The following CSMD1 variants were observed in gnomAD, a reference collection of about 807,000 sequenced individuals.
CSMD1 encodes CUB and sushi domain-containing protein 1.
A neutral mutation model predicts 417.5 loss-of-function variants in CSMD1; 213 were observed. The ratio of observed to expected loss-of-function variants is 0.51; its 90% CI spans 0.46 to 0.57. The LOEUF (loss-of-function observed/expected upper bound fraction) is 0.57. Ranked by LOEUF, CSMD1 falls within the 20% of genes least tolerant of loss-of-function variation. The probability of loss-of-function intolerance (pLI) is 0.00; values close to 1 mark genes in which losing one functional copy is unlikely to be tolerated. For missense variants in CSMD1, 6,923 were observed against 4,529.7 expected (o/e 1.53, Z -15.17); for synonymous variants, 2,862 against 1,736.8 (o/e 1.65, Z -16.11).
intron 8 of CSMD1, among the ~76,000 whole-genome samples, chr8:3,594,891 T>G (rs1431362509): frequency 6.6e-6 from 1 of 152,108 alleles, no homozygotes; most frequent in Non-Finnish European, 1.5e-5. Flanking sequence ...AATAAATACC[T>G]TTGGAACTAA....
intron 3 of CSMD1, among the ~76,000 whole-genome samples, chr8:4,365,362 A>G (rs1248514409): frequency 6.6e-6 from 1 of 152,152 alleles, no homozygotes; most frequent in Non-Finnish European, 1.5e-5. Context: ...ATCATGCATC[A>G]TTTTTTCACA....
intron 5 of CSMD1, among the ~76,000 whole-genome samples, chr8:3,945,932 C>T (rs564968520): frequency 6.6e-6 from 1 of 152,110 alleles, no homozygotes; most frequent in African/African-American, 2.4e-5. Context: ...CTAAGACTAT[C>T]ATGATTATTA....
chr8:3,806,445 T>G (rs139670962), intron 5 of CSMD1, among the ~76,000 whole-genome samples: 211 of 152,274 alleles, frequency 1.4e-3, no homozygotes, highest in African/African-American at 4.0e-3. Flanking sequence ...GCCTGAATAA[T>G]GAAGGCAATT....
chr8:4,621,747 C>T (rs942936226), intron 2 of CSMD1, among the ~76,000 whole-genome samples: 1 of 151,796 alleles, frequency 6.6e-6, no homozygotes, highest in African/African-American at 2.4e-5. Context: ...AGACAAAAGC[C>T]CCTCATGTAT....
intron 5 of CSMD1, among the ~76,000 whole-genome samples, chr8:3,985,655 G>C (rs1442820666): frequency 6.6e-6 from 1 of 152,084 alleles, no homozygotes; most frequent in East Asian, 1.9e-4. Flanking sequence ...ACAGAAGCTT[G>C]CTAGGTTGAT....
intron 5 of CSMD1, among the ~76,000 whole-genome samples, chr8:3,988,026 C>G (rs376330835): frequency 6.6e-6 from 1 of 152,202 alleles, no homozygotes; most frequent in Non-Finnish European, 1.5e-5. Flanking sequence ...ACTTTCAACA[C>G]ACAGCTATTA....
chr8:3,514,437 C>T (rs567421054), intron 10 of CSMD1, among the ~76,000 whole-genome samples: 2 of 152,146 alleles, frequency 1.3e-5, no homozygotes, highest in Non-Finnish European at 2.9e-5. Flanking sequence ...GTGGTGTTAT[C>T]CCCATCTGCT....
chr8:4,723,585 G>A (rs955873022), intron 1 of CSMD1, among the ~76,000 whole-genome samples: 1 of 152,000 alleles, frequency 6.6e-6, no homozygotes, highest in African/African-American at 2.4e-5. Context: ...ATTGTAAATT[G>A]TATGAAAAGA....
At chr8:4,288,946 G>T (rs1208450591) in intron 3 of CSMD1, among the ~76,000 whole-genome samples, 1 of 152,132 alleles carries the variant, frequency 6.6e-6, no homozygotes, top group African/African-American at 2.4e-5. Flanking sequence ...TACACTAATA[G>T]TGTGGCAGCT....
intron 3 of CSMD1, among the ~76,000 whole-genome samples, chr8:4,069,720 C>G (rs1461668706): frequency 1.3e-5 from 2 of 152,124 alleles, no homozygotes; most frequent in African/African-American, 2.4e-5. Context: ...TCCCACTAAA[C>G]TCTAGGCACC....
intron 10 of CSMD1, among the ~76,000 whole-genome samples, chr8:3,521,232 C>T (rs1444776447): frequency 2.0e-5 from 3 of 152,204 alleles, no homozygotes; most frequent in East Asian, 1.9e-4. Flanking sequence ...TGGTTTCTCA[C>T]TGTTGCTGAT....
chr8:4,632,518 T>A (rs959727969), intron 2 of CSMD1, among the ~76,000 whole-genome samples: 3 of 151,464 alleles, frequency 2.0e-5, no homozygotes, highest in African/African-American at 7.3e-5. Flanking sequence ...ATCATGGGGG[T>A]AGGGGGAGCA....
At chr8:4,565,850 G>A (rs1397706727) in intron 2 of CSMD1, among the ~76,000 whole-genome samples, 1 of 144,488 alleles carries the variant, frequency 6.9e-6, no homozygotes, top group Non-Finnish European at 1.5e-5. Context: ...CACAAATTTA[G>A]TCATTCCAGA....
chr8:4,490,326 C>T (rs1376390179), intron 2 of CSMD1, among the ~76,000 whole-genome samples: 1 of 152,154 alleles, frequency 6.6e-6, no homozygotes, highest in Non-Finnish European at 1.5e-5. Flanking sequence ...AGGCATGAGC[C>T]ACCATATCCA....
At chr8:3,988,982 T>C (rs1293284496) in intron 5 of CSMD1, among the ~76,000 whole-genome samples, 1 of 152,224 alleles carries the variant, frequency 6.6e-6, no homozygotes, top group Non-Finnish European at 1.5e-5. Context: ...ACATAGACTT[T>C]TAGAACTAGA....
intron 1 of CSMD1, among the ~76,000 whole-genome samples, chr8:4,902,338 G>A (rs920707475): frequency 1.3e-5 from 2 of 151,244 alleles, no homozygotes; most frequent in East Asian, 2.0e-4. Context: ...TCAGGAGACT[G>A]AGGCAGAAGG....
intron 1 of CSMD1, among the ~76,000 whole-genome samples, chr8:4,970,808 G>A (rs1338557649): frequency 6.6e-6 from 1 of 151,956 alleles, no homozygotes; most frequent in East Asian, 1.9e-4. Flanking sequence ...TCAAAACCAG[G>A]TAATACCCTA....
At chr8:3,293,793 G>T (rs111498697) in intron 25 of CSMD1, among the ~76,000 whole-genome samples, 1 of 152,178 alleles carries the variant, frequency 6.6e-6, no homozygotes, top group Non-Finnish European at 1.5e-5. Context: ...GTAGCTCAGA[G>T]TAGTTTGATC....
intron 1 of CSMD1, among the ~76,000 whole-genome samples, chr8:4,694,338 G>C (rs1291924432): frequency 6.6e-6 from 1 of 152,022 alleles, no homozygotes; most frequent in East Asian, 2.0e-4. Context: ...AAAAACCAAA[G>C]TACTTCTTTT....
Sources: gnomAD v4.1 joint callset for allele counts (sites outside exome capture counted in the v4.1 genomes callset) on GRCh38, gnomAD v4.1.1 for gene constraint, MANE v1.5 for transcripts, NCBI Gene and HGNC (gene_info 2026-07-23, HGNC 2026-07-21) for gene names.